ARHGAP29: variants seen among roughly 807,000 people sequenced by gnomAD.
ARHGAP29 encodes rho GTPase-activating protein 29.
A neutral mutation model predicts 122.6 loss-of-function variants in ARHGAP29; 43 were observed. That is an observed-to-expected ratio of 0.35 (90% CI 0.27 to 0.45). ARHGAP29 has a LOEUF of 0.45. Ranked by LOEUF, ARHGAP29 falls within the 20% of genes least tolerant of loss-of-function variation. The pLI is 1.00. For missense variants in ARHGAP29, 1,303 were observed against 1,477.2 expected (o/e 0.88, Z 1.93); for synonymous variants, 506 against 497.1 (o/e 1.02, Z -0.24).
intron 1 of ARHGAP29, among the ~76,000 whole-genome samples, chr1:94,258,753 A>G (rs1206969951): frequency 1.3e-5 from 2 of 152,194 alleles, no homozygotes; most frequent in African/African-American, 4.8e-5. Context: ...AATCACCTAT[A>G]AGGAAGATAT....
the ARHGAP29 span, among the ~76,000 whole-genome samples, chr1:94,289,366 T>C: frequency 2.0e-5 from 3 of 152,350 alleles, no homozygotes; most frequent in East Asian, 5.8e-4. Flanking sequence ...CTGAAGTTGC[T>C]TATCAGCTTA....
At chr1:94,251,130 T>C (rs1654066575) in intron 1 of ARHGAP29, among the ~76,000 whole-genome samples, 1 of 152,124 alleles carries the variant, frequency 6.6e-6, no homozygotes, top group Admixed American at 6.5e-5. Flanking sequence ...CATAAATTAT[T>C]CAGTCCTCAC....
rs1184138882 is a variant in ARHGAP29, at chr1:94,172,453, T to C, written c.*1416A>G. On this transcript the variant is annotated 3_prime_UTR_variant, in exon 23 of 23. Transcript: ENST00000260526. The stretch of plus-strand genomic sequence containing the variant: ...TAGACCTTTACATCACATAGAACTA[T>C]AAAACAGGTTTCCATAAAATTCATT... 1 of 152,046 alleles carries C rather than the reference T, an allele frequency of 6.6e-6. No homozygotes were observed. Among genetic ancestry groups the C allele is most frequent in the African/African-American group, 2.4e-5 (1 of 41,394 alleles). The allele number at this position is 152,046 out of a possible 1,614,324, so 9.4% of individuals were successfully genotyped here.
At chr1:94,260,783 A>G (rs1416176977) in intron 1 of ARHGAP29, among the ~76,000 whole-genome samples, 1 of 152,194 alleles carries the variant, frequency 6.6e-6, no homozygotes, top group Non-Finnish European at 1.5e-5. Context: ...AAACAGAGAC[A>G]AGAACAGCTG....
At chr1:94,292,260 T>G in the ARHGAP29 span, among the ~76,000 whole-genome samples, 1 of 152,244 alleles carries the variant, frequency 6.6e-6, no homozygotes, top group Non-Finnish European at 1.5e-5. Flanking sequence ...CTGAAGCCTG[T>G]GTATGCTTCA....
rs764976081 is a variant in ARHGAP29 at position 94,179,859 on chromosome 1, A to G, written c.2346T>C (p.Asn782=). 2.5e-6 allele frequency: 4 copies of G among 1,613,332 alleles called. No individual in the cohort carries two copies. Among genetic ancestry groups the G allele is most frequent in the East Asian group, 4.5e-5 (2 of 44,726 alleles). The change falls in exon 20 of 23, where the codon AAT becomes AAC. Residue 782 remains asparagine, a synonymous_variant. Transcript: ENST00000260526. The part of the protein sequence containing the change: ...HVNEEQETKK[N]SLEDKKWPNM... Reference sequence around the variant, plus strand: ...TTGGCCATTTTTTGTCTTCAAGACTATTCTTTTTTGTCTCTTGTTCTTCAT... The same window carrying G: ...TTGGCCATTTTTTGTCTTCAAGACTGTTCTTTTTTGTCTCTTGTTCTTCAT...
chr1:94,314,358 A>G, the ARHGAP29 span, among the ~76,000 whole-genome samples: 1 of 152,202 alleles, frequency 6.6e-6, no homozygotes, highest in Non-Finnish European at 1.5e-5. Flanking sequence ...CTGGGCGGGC[A>G]TCAGGGACAT....
chr1:94,256,513 G>GAAATAGA lies in ARHGAP29; in HGVS notation c.-33+18492_-33+18498dup, dbSNP rs1393462522. ...CAGAGTTCCAATTTAACCAAAACCA[G>GAAATAGA]AAATAGATTTAACAGTACTAATCTT... On this transcript the variant is annotated intron_variant and NMD_transcript_variant, in intron 1 of 25. Coordinates refer to the ARHGAP29 transcript ENST00000552844. Among the ~76,000 whole-genome samples, 3 of 116,018 alleles carry GAAATAGA rather than the reference G, an allele frequency of 2.6e-5. No individual in the cohort carries two copies. In the East Asian group the frequency reaches 9.3e-4, roughly 36 times the overall value. 76.1% of individuals were successfully genotyped at this position (116,018 alleles called of 152,430 possible).
the ARHGAP29 span, among the ~76,000 whole-genome samples, chr1:94,309,386 A>T: frequency 6.6e-6 from 1 of 152,170 alleles, no homozygotes; most frequent in African/African-American, 2.4e-5. Flanking sequence ...GCTGCCTCCT[A>T]TCAAAATATT....
At chr1:94,231,666 C>A in intron 1 of ARHGAP29, 23 bp from the exon 2 acceptor site, 6 of 1,526,934 alleles carry the variant, frequency 3.9e-6, no homozygotes, top group South Asian at 2.4e-5. Flanking sequence ...AGAAACAAAA[C>A]AAAAACAAGC....
intron 1 of ARHGAP29, among the ~76,000 whole-genome samples, chr1:94,253,338 A>C (rs1010869330): frequency 1.3e-5 from 2 of 152,136 alleles, no homozygotes; most frequent in Non-Finnish European, 2.9e-5. Context: ...CACTGGCCTG[A>C]CTAGACTGGA....
chr1:94,219,027 T>C (rs1258816743), intron 3 of ARHGAP29, among the ~76,000 whole-genome samples: 1 of 152,030 alleles, frequency 6.6e-6, no homozygotes, highest in African/African-American at 2.4e-5. Context: ...CGGCAATCCC[T>C]TTCCCCAAAG....
At chr1:94,308,124 T>A in the ARHGAP29 span, among the ~76,000 whole-genome samples, 1 of 152,228 alleles carries the variant, frequency 6.6e-6, no homozygotes, top group South Asian at 2.1e-4. Context: ...TTACTTTGAT[T>A]GTGCTACAAT....
At chr1:94,196,756 G>A (rs1442586523) in intron 12 of ARHGAP29, among the ~76,000 whole-genome samples, 1 of 152,018 alleles carries the variant, frequency 6.6e-6, no homozygotes, top group East Asian at 1.9e-4. Flanking sequence ...CAAATACTTG[G>A]AAATTAAACA....
intron 1 of ARHGAP29, among the ~76,000 whole-genome samples, chr1:94,233,298 T>A (rs191661005): frequency 6.6e-6 from 1 of 152,194 alleles, no homozygotes; most frequent in African/African-American, 2.4e-5. Flanking sequence ...ATATGTAAGA[T>A]ACATTATTGT....
At chr1:94,243,251 T>C (rs1258739361) in intron 1 of ARHGAP29, among the ~76,000 whole-genome samples, 1 of 151,904 alleles carries the variant, frequency 6.6e-6, no homozygotes, top group Non-Finnish European at 1.5e-5. Flanking sequence ...AGAATATGCA[T>C]TCATTTCAAA....
intron 15 of ARHGAP29, among the ~76,000 whole-genome samples, chr1:94,188,119 T>C (rs1649917019): frequency 6.6e-6 from 1 of 152,144 alleles, no homozygotes; most frequent in Non-Finnish European, 1.5e-5. Flanking sequence ...ATGTTGGATG[T>C]AAGAATCTCA....
At chr1:94,278,218 C>T (rs910758971), upstream of ARHGAP29, among the ~76,000 whole-genome samples, 2 of 152,024 alleles carry the variant, frequency 1.3e-5, no homozygotes, top group Non-Finnish European at 2.9e-5. Context: ...ACCCAGAAGG[C>T]TGAGGCAGAG....
chr1:94,204,490 T>C (rs1406987200), intron 7 of ARHGAP29, among the ~76,000 whole-genome samples: 3 of 152,216 alleles, frequency 2.0e-5, no homozygotes, highest in African/African-American at 4.8e-5. Flanking sequence ...AGAAAGAGCA[T>C]AGGCTTTGGG....
Sources: gnomAD v4.1 joint callset for allele counts (sites outside exome capture counted in the v4.1 genomes callset) on GRCh38, gnomAD v4.1.1 for gene constraint, MANE v1.5 for transcripts, NCBI Gene and HGNC (gene_info 2026-07-23, HGNC 2026-07-21) for gene names.